EGFLAM: variants seen among roughly 807,000 people sequenced by gnomAD.
EGFLAM encodes the protein EGF like, fibronectin type III and laminin G domains.
EGFLAM carries 79 observed loss-of-function variants against 113.1 expected under a neutral mutation model. That is an observed-to-expected ratio of 0.70 (90% CI 0.58 to 0.84). The LOEUF (loss-of-function observed/expected upper bound fraction) is 0.84, where lower values mean the gene tolerates loss of function less well. Ranked by LOEUF, EGFLAM falls within the 40% of genes least tolerant of loss-of-function variation. The pLI, the probability that EGFLAM is intolerant of heterozygous loss-of-function variation, is 0.00. For synonymous variants in EGFLAM, 504 were observed against 487.6 expected (o/e 1.03, Z -0.44); for missense variants, 1,265 against 1,291.6 (o/e 0.98, Z 0.32).
rs567495441 is a variant in EGFLAM, at chr5:38,280,652, A to G, written c.97+21801A>G. On this transcript the variant is annotated intron_variant, in intron 1 of 21. Coordinates refer to ENST00000322350, the MANE Select transcript of EGFLAM (RefSeq NM_152403.4). ...GCACTCTTGGCCCTGGGTAGTAACAATGTCTTATTGGTTCTGGTCTCTGGG... is the reference window on the plus strand; with the variant it reads ...GCACTCTTGGCCCTGGGTAGTAACAGTGTCTTATTGGTTCTGGTCTCTGGG... 5.3e-5 allele frequency among the ~76,000 whole-genome samples: 8 copies of G among 152,170 alleles called. No individual in the cohort carries two copies. In the East Asian group the frequency reaches 1.2e-3, roughly 22 times the overall value.
intron 16 of EGFLAM, among the ~76,000 whole-genome samples, chr5:38,437,990 C>T (rs183187434): frequency 7.2e-4 from 110 of 151,820 alleles, no homozygotes; most frequent in African/African-American, 2.5e-3. Context: ...GGCGTAGTGG[C>T]GGGTGCCTGT....
At chr5:38,291,350 T>C (rs1206357071) in intron 1 of EGFLAM, among the ~76,000 whole-genome samples, 11 of 152,252 alleles carry the variant, frequency 7.2e-5, no homozygotes, top group Admixed American at 7.2e-4. Context: ...AAGGTCACAC[T>C]GAAGTCTGGA....
chr5:38,258,889 G>T, intron 1 of EGFLAM, 38 bp downstream of exon 1: 1 of 1,589,822 alleles, frequency 6.3e-7, no homozygotes, highest in Non-Finnish European at 8.6e-7. Context: ...CACGCCCCGA[G>T]CGCCCCTGCT....
intron 9 of EGFLAM, among the ~76,000 whole-genome samples, chr5:38,408,355 G>GT (rs1392907268): frequency 6.6e-6 from 1 of 152,232 alleles, no homozygotes; most frequent in Non-Finnish European, 1.5e-5. Flanking sequence ...TGAGGGCCCA[G>GT]TGGAGGTTCT....
At chr5:38,373,756 C>T (rs76257227) in intron 6 of EGFLAM, among the ~76,000 whole-genome samples, 5,552 of 152,200 alleles carry the variant, frequency 0.036, 326 homozygotes, top group African/African-American at 0.13. Flanking sequence ...ATAATGATTT[C>T]TTTTCTTTTG....
At chr5:38,434,570 C>T (rs1579926631) in intron 15 of EGFLAM, among the ~76,000 whole-genome samples, 1 of 152,304 alleles carries the variant, frequency 6.6e-6, no homozygotes, top group South Asian at 2.1e-4. Context: ...AAAGTGTGTT[C>T]ATTCCCAGAG....
rs927969344 is a variant in EGFLAM at position 38,448,416 on chromosome 5, G to A, written c.2543+37G>A. 6 of 1,602,374 alleles carry A rather than the reference G, an allele frequency of 3.7e-6. No individual in the cohort carries two copies. In the African/African-American group the frequency reaches 8.0e-5, roughly 21 times the overall value. On this transcript the variant is annotated intron_variant, in intron 18 of 21. Transcript: ENST00000322350. ...CAACAGGCACCTTCCTCAGCTTTCT[G>A]GGGGTAAATTTCTCTATATCTTTCT...
In EGFLAM at chr5:38,465,445, T is replaced by C. The variant is rs1743436918; in HGVS notation, c.*1459T>C. Among the ~76,000 whole-genome samples the C allele has an allele frequency of 6.6e-6, 1 of 152,224 alleles. No individual in the cohort carries two copies. Among genetic ancestry groups the C allele is most frequent in the Non-Finnish European group, 1.5e-5 (1 of 68,042 alleles). ...GCAAGGCACAGTTTTAAGCACATAA[T>C]GTAATTCTAAAAGATGAATAAACTA... On this transcript the variant is annotated 3_prime_UTR_variant, in exon 22 of 22. Transcript: ENST00000322350.
intron 6 of EGFLAM, among the ~76,000 whole-genome samples, chr5:38,382,846 T>G (rs1448606214): frequency 1.3e-5 from 2 of 152,212 alleles, no homozygotes; most frequent in South Asian, 4.1e-4. Context: ...AGTGCTGCTT[T>G]TGAACTCTAA....
rs544307067 is a variant in EGFLAM, at chr5:38,465,203, G to C, written c.*1217G>C. On this transcript the variant is annotated 3_prime_UTR_variant, in exon 22 of 22. Transcript: ENST00000322350. ...AGGACTTCTTCCTTCTGTACCATGA[G>C]CTGTGTCCCTTTACTATGCAAGCAC... Among the ~76,000 whole-genome samples, 35 of 152,246 alleles carry C rather than the reference G, an allele frequency of 2.3e-4. 1 individual carries two copies. The highest frequency in any genetic ancestry group is 8.4e-4 in the African/African-American group (35 of 41,542).
intron 11 of EGFLAM, among the ~76,000 whole-genome samples, chr5:38,416,568 T>C (rs1422349113): frequency 1.3e-5 from 2 of 152,198 alleles, no homozygotes; most frequent in Non-Finnish European, 2.9e-5. Flanking sequence ...GTTTGAAGAC[T>C]GTTGCCCGGG....
chr5:38,406,337 C>A, intron 7 of EGFLAM, 96 bp downstream of exon 7: 1 of 1,035,882 alleles, frequency 9.7e-7, no homozygotes, highest in Non-Finnish European at 1.4e-6. Flanking sequence ...TTACTTAAAA[C>A]TTAAATGTGC....
chr5:38,274,209 C>T (rs918706516), intron 1 of EGFLAM, among the ~76,000 whole-genome samples: 13 of 152,014 alleles, frequency 8.6e-5, no homozygotes, highest in African/African-American at 3.1e-4. Context: ...TATGGGATAG[C>T]GTCGAAACAG....
intron 3 of EGFLAM, among the ~76,000 whole-genome samples, chr5:38,348,097 G>T (rs2561116): frequency 0.085 from 12,868 of 151,980 alleles, 585 homozygotes; most frequent in East Asian, 0.13. Flanking sequence ...CTATGTTTTG[G>T]TTTGGTTTTG....
intron 5 of EGFLAM, among the ~76,000 whole-genome samples, chr5:38,365,437 T>C (rs3099132): frequency 1 from 152,306 of 152,330 alleles, 76,142 homozygotes; most frequent in Middle Eastern, 1. Flanking sequence ...TCATTTGCCA[T>C]GTGTTGGTGT....
At chr5:38,370,853 G>A (rs1399708692) in intron 6 of EGFLAM, among the ~76,000 whole-genome samples, 2 of 152,202 alleles carry the variant, frequency 1.3e-5, no homozygotes, top group African/African-American at 2.4e-5. Flanking sequence ...GTTCGTGTTC[G>A]CCTGAAAATA....
intron 19 of EGFLAM, among the ~76,000 whole-genome samples, chr5:38,452,005 A>G (rs1192406999): frequency 6.6e-6 from 1 of 151,032 alleles, no homozygotes; most frequent in African/African-American, 2.4e-5. Flanking sequence ...AAAAAAAAAA[A>G]AAAAAAGAGT....
At chr5:38,278,574 C>A (rs945124113) in intron 1 of EGFLAM, among the ~76,000 whole-genome samples, 1 of 151,810 alleles carries the variant, frequency 6.6e-6, no homozygotes, top group Non-Finnish European at 1.5e-5. Flanking sequence ...CTGCAACCTC[C>A]GCCTCCTGGG....
chr5:38,303,609 C>T (rs1001863312), intron 1 of EGFLAM, among the ~76,000 whole-genome samples: 4 of 152,176 alleles, frequency 2.6e-5, no homozygotes, highest in African/African-American at 9.7e-5. Context: ...AAGTAGTGAG[C>T]AGCCTAGCTT....
Sources: gnomAD v4.1 joint callset for allele counts (sites outside exome capture counted in the v4.1 genomes callset) on GRCh38, gnomAD v4.1.1 for gene constraint, MANE v1.5 for transcripts, NCBI Gene and HGNC (gene_info 2026-07-23, HGNC 2026-07-21) for gene names.